The following MDH1B variants were observed in gnomAD, a reference collection of about 807,000 sequenced individuals.
MDH1B encodes the protein putative malate dehydrogenase 1B.
In MDH1B, 60 loss-of-function variants were observed where a neutral mutation model predicts 61.4. The ratio of observed to expected loss-of-function variants is 0.98; its 90% confidence interval spans 0.79 to 1.21. MDH1B has a LOEUF of 1.21. MDH1B is among the 50% of genes most tolerant of loss of function. The pLI is 0.00. For missense variants in MDH1B, 587 were observed against 632.1 expected, an observed-to-expected ratio of 0.93 and a Z score of 0.76; for synonymous variants, 236 against 218.7, an observed-to-expected ratio of 1.08 and a Z score of -0.70.
chr2:206,756,771 G>A (rs1205657192), intron 4 of MDH1B, 127 bp downstream of exon 4: 7 of 883,294 alleles, frequency 7.9e-6, no homozygotes, highest in Admixed American at 4.5e-5. Flanking sequence ...ATACATATAA[G>A]TATACATACA....
intron 7 of MDH1B, among the ~76,000 whole-genome samples, chr2:206,747,500 C>T (rs1372788078): frequency 6.6e-6 from 1 of 152,124 alleles, no homozygotes; most frequent in Non-Finnish European, 1.5e-5. Flanking sequence ...GATCTGAATT[C>T]ACATTATGGC....
chr2:206,756,530 T>A, intron 4 of MDH1B: 1 of 177,648 alleles, frequency 5.6e-6, no homozygotes, highest in Non-Finnish European at 1.2e-5. Flanking sequence ...GCGAGGGGAG[T>A]GGGGTTACAG....
rs766095074 is a variant in MDH1B, at chr2:206,765,294, G to A, written c.-23C>T. On this transcript the variant is annotated 5_prime_UTR_variant, in exon 1 of 12. Coordinates refer to ENST00000374412, the MANE Select transcript of MDH1B (RefSeq NM_001039845.3). ...CATGGTCGAGAGAGACTCAGAGGCA[G>A]GGACCGCGGCTTCGCGGTTTCCTGG... The A allele has an allele frequency of 1.9e-6, 3 of 1,588,650 alleles. No homozygotes were observed. Among genetic ancestry groups the A allele is most frequent in the African/African-American group, 2.7e-5 (2 of 73,124 alleles).
intron 5 of MDH1B, 81 bp from the exon 6 acceptor site, chr2:206,751,156 C>T (rs978971567): frequency 4.4e-5 from 44 of 997,344 alleles, no homozygotes; most frequent in Admixed American, 2.0e-4. Context: ...TTTTTGTTTG[C>T]GTGCATGTTT....
chr2:206,744,417 C>G (rs1428172958), intron 9 of MDH1B, among the ~76,000 whole-genome samples: 1 of 152,116 alleles, frequency 6.6e-6, no homozygotes, highest in East Asian at 1.9e-4. Context: ...GACTAAAGCC[C>G]TTTGCATAAA....
intron 5 of MDH1B, among the ~76,000 whole-genome samples, chr2:206,754,570 ACTGTTAACGT>A (rs1688645735): frequency 6.6e-6 from 1 of 152,186 alleles, no homozygotes; most frequent in Non-Finnish European, 1.5e-5. Context: ...GGAGATAGGC[ACTGTTAACGT>A]CCTCATTTTA....
At chr2:206,763,311 CT>C (rs1326078116) in intron 1 of MDH1B, among the ~76,000 whole-genome samples, 1 of 150,526 alleles carries the variant, frequency 6.6e-6, no homozygotes, top group Non-Finnish European at 1.5e-5. Context: ...CAATGTTTAA[CT>C]CCTTTTTCTC....
Position 206,749,107 on chromosome 2 carries a change from C to T in MDH1B, c.1129G>A (p.Ala377Thr). 1 of 1,614,086 alleles carries T rather than the reference C, an allele frequency of 6.2e-7. No homozygotes were observed. The highest frequency in any genetic ancestry group is 8.5e-7 in the Non-Finnish European group (1 of 1,179,988). ...TTGRQFGGIL[A>T]AHSIATTLKY... ...AGTGTAGTGGCTATACTGTGTGCAG[C>T]CAAAATGCCTCCAAATTGTCTTCCT... is the stretch of plus-strand genomic sequence containing the variant. Residue 377 changes from alanine (A) to threonine (T), a missense_variant, in exon 7 of 12, where the codon GCT (alanine) becomes ACT (threonine). Coordinates refer to ENST00000374412, the MANE Select transcript of MDH1B (RefSeq NM_001039845.3).
At chr2:206,746,543 G>T in intron 7 of MDH1B, 117 bp from the exon 8 acceptor site, 4 of 1,127,656 alleles carry the variant, frequency 3.5e-6, no homozygotes, top group Non-Finnish European at 3.6e-6. Context: ...GATAATGATG[G>T]AATTAAATTT....
chr2:206,763,997 T>G (rs1490126560), intron 1 of MDH1B, among the ~76,000 whole-genome samples: 1 of 152,096 alleles, frequency 6.6e-6, no homozygotes, highest in Non-Finnish European at 1.5e-5. Flanking sequence ...GGTTAGTCAG[T>G]GTTCAAAAAT....
At chr2:206,742,711 ATTTTT>A (rs59584383) in intron 9 of MDH1B, among the ~76,000 whole-genome samples, 2 of 97,208 alleles carry the variant, frequency 2.1e-5, no homozygotes, top group Admixed American at 1.1e-4. Flanking sequence ...TGATGTCTCT[ATTTTT>A]TTTTTTTTTT....
In MDH1B at chr2:206,739,582, C is replaced by T. The variant is rs374989061; in HGVS notation, c.1528+11G>A. The stretch of plus-strand genomic sequence containing the variant: ...AAGAAAATACTAGTTAATGTTTTGT[C>T]TACCACCTACCATTTAGGAACTCAA... On this transcript the variant is annotated intron_variant, in intron 11 of 11. Transcript: ENST00000374412. The T allele has an allele frequency of 1.2e-6, 2 of 1,611,670 alleles. No individual in the cohort carries two copies. Among genetic ancestry groups the T allele is most frequent in the Admixed American group, 1.7e-5 (1 of 59,962 alleles).
chr2:206,760,982 T>C lies in MDH1B; in HGVS notation c.54A>G (p.Thr18=), dbSNP rs1689059722. 2 of 1,610,964 alleles carry C rather than the reference T, an allele frequency of 1.2e-6. No individual in the cohort carries two copies. The highest frequency in any genetic ancestry group is 3.3e-5 in the Admixed American group (2 of 59,982). ...GRADCPYYAK[T]ELVADYLQKN... is the part of the protein sequence containing the mutation. ...TTTGTAAATAGTCTGCCACAAGTTC[T>C]GTTTTAGCATAATATGGACAATCTG... is the stretch of plus-strand genomic sequence containing the variant. Residue 18 remains threonine, a synonymous_variant, in exon 2 of 12, where the codon ACA becomes ACG. Transcript: ENST00000374412.
At chr2:206,748,311 G>A (rs1688234032) in intron 7 of MDH1B, among the ~76,000 whole-genome samples, 1 of 152,220 alleles carries the variant, frequency 6.6e-6, no homozygotes, top group Admixed American at 6.5e-5. Flanking sequence ...CCCAGAAGGA[G>A]GGGGTTGCAG....
intron 9 of MDH1B, among the ~76,000 whole-genome samples, chr2:206,743,154 C>T (rs376399094): frequency 3.9e-5 from 6 of 152,116 alleles, no homozygotes; most frequent in South Asian, 4.1e-4. Flanking sequence ...AGGGACTTGG[C>T]GTTTAATGTT....
In MDH1B at chr2:206,746,429, G is replaced by C; in HGVS notation, c.1217-3C>G. 1.2e-6 allele frequency: 2 copies of C among 1,608,148 alleles called. No homozygotes were observed. The highest frequency in any genetic ancestry group is 1.7e-6 in the Non-Finnish European group (2 of 1,178,000). On this transcript the variant is annotated splice_polypyrimidine_tract_variant and splice_region_variant and intron_variant, in intron 7 of 11. Transcript: ENST00000374412. ...CCCTTTCGGAATACCAAACTGGCCTGCAGTGAGCAAACACAAAGCAAAGCA... is the reference window on the plus strand; with the variant it reads ...CCCTTTCGGAATACCAAACTGGCCTCCAGTGAGCAAACACAAAGCAAAGCA...
At chr2:206,746,672 G>A (rs1377734699) in intron 7 of MDH1B, among the ~76,000 whole-genome samples, 1 of 152,176 alleles carries the variant, frequency 6.6e-6, no homozygotes, top group East Asian at 1.9e-4. Context: ...GGCTAATGCA[G>A]TCTTTCTCTT....
At chr2:206,741,010 G>A (rs777998435) in intron 10 of MDH1B, 44 bp downstream of exon 10, 29 of 1,610,830 alleles carry the variant, frequency 1.8e-5, no homozygotes, top group Non-Finnish European at 2.1e-5. Context: ...TATGAGTCAC[G>A]ACTATTAGCA....
In MDH1B at chr2:206,739,643, T is replaced by C. The variant is rs936551868; in HGVS notation, c.1478A>G (p.Gln493Arg). Residue 493 changes from glutamine (Q) to arginine (R), a missense_variant, in exon 11 of 12, where the codon CAG becomes CGG. Transcript: ENST00000374412. ...AMSDAAEFPN[Q>R]IPQTTFEKPQ... is the part of the protein sequence containing the mutation. ...CTTTTCAAAGGTGGTTTGAGGAATCTGATTTGGAAACTCTGCTGCTGCAAA... is the reference window on the plus strand; with the variant it reads ...CTTTTCAAAGGTGGTTTGAGGAATCCGATTTGGAAACTCTGCTGCTGCAAA... 1 of 1,614,068 alleles carries C rather than the reference T, an allele frequency of 6.2e-7. No individual in the cohort carries two copies. Among genetic ancestry groups the C allele is most frequent in the Non-Finnish European group, 8.5e-7 (1 of 1,179,956 alleles).
Sources: allele counts gnomAD v4.1 joint callset (sites outside exome capture counted in the v4.1 genomes callset), GRCh38; gene constraint gnomAD v4.1.1; transcripts MANE v1.5; gene names NCBI Gene and HGNC (gene_info 2026-07-23, HGNC 2026-07-21).